Variants in NOTCH2 observed in about 807,000 individuals in gnomAD.
NOTCH2 encodes the protein notch receptor 2.
Under a neutral mutation model 235.8 loss-of-function variants are expected in NOTCH2, and 29 were observed. The ratio of observed to expected loss-of-function variants is 0.12; its 90% CI spans 0.09 to 0.17. The LOEUF (loss-of-function observed/expected upper bound fraction) is 0.17, where lower values mean the gene tolerates loss of function less well. Among genes scored for constraint, NOTCH2 ranks in the 10% least tolerant of loss-of-function variants. NOTCH2 has a pLI of 1.00. For missense variants in NOTCH2, 2,285 were observed against 3,150.2 expected (o/e 0.73, Z 6.57); for synonymous variants, 1,086 against 1,141.5 (o/e 0.95, Z 0.98).
At chr1:119,918,986 G>A (rs981564541) in intron 31 of NOTCH2, among the ~76,000 whole-genome samples, 53 of 152,162 alleles carry the variant, frequency 3.5e-4, no homozygotes, top group African/African-American at 1.1e-3. Flanking sequence ...AAGAAGTAGC[G>A]GATACTAGTC....
In NOTCH2 at chr1:119,913,157, TA is replaced by T. The variant is rs1296162648; in HGVS notation, c.*2148del. 4.3e-6 allele frequency: 1 copy of T among 233,184 alleles called. No individual in the cohort carries two copies. The highest frequency in any genetic ancestry group is 8.5e-6 in the Non-Finnish European group (1 of 118,068). The allele number at this position is 233,184 out of a possible 1,614,324, so 14.4% of individuals were successfully genotyped here. Reference sequence around the variant, plus strand: ...GGCAGAGAGTCACCATTTAGAATGATAAAATGTTTGCACACTATGAAAGAGG... The same window carrying T: ...GGCAGAGAGTCACCATTTAGAATGATAAATGTTTGCACACTATGAAAGAGG... On this transcript the variant is annotated 3_prime_UTR_variant, in exon 34 of 34. Transcript: ENST00000256646.
rs1649446856 is a variant in NOTCH2 at position 119,925,568 on chromosome 1, T to C, written c.4248A>G (p.Ala1416=). Residue 1416 remains alanine, a synonymous_variant, in exon 25 of 34, where the codon GCA becomes GCG. Transcript: ENST00000256646. ...AGGTGGCAGGAGGGGTGCTGGGGGG[T>C]GCCGTGTAGAGTTCACAGCGGCTAC... is the stretch of plus-strand genomic sequence containing the variant. ...FSGSRCELYT[A]PPSTPPATCL... 1 of 1,613,216 alleles carries C rather than the reference T, an allele frequency of 6.2e-7. No individual in the cohort carries two copies. The highest frequency in any genetic ancestry group is 1.3e-5 in the African/African-American group (1 of 74,648).
At chr1:120,033,449 G>A (rs587703859) in intron 1 of NOTCH2, among the ~76,000 whole-genome samples, 14 of 120,360 alleles carry the variant, frequency 1.2e-4, no homozygotes, top group African/African-American at 4.4e-4. Context: ...AAAAGCTGTG[G>A]TAGATATATA....
chr1:119,996,343 G>A (rs61786985), intron 4 of NOTCH2: 55 of 378,290 alleles, frequency 1.5e-4, no homozygotes, highest in South Asian at 2.3e-4. Context: ...ATTGTGCCAC[G>A]CATAGTCTCT....
Position 119,918,865 on chromosome 1 carries a change from T to C in NOTCH2, c.5782-312A>G, listed in dbSNP as rs1172299490. ...GGATACAGCCTAAGGTGATTCAGAA[T>C]GCTTCCAATTTCCTCATAAGGATAA... is the stretch of plus-strand genomic sequence containing the variant. On this transcript the variant is annotated intron_variant, in intron 31 of 33. Transcript: ENST00000256646. Among the ~76,000 whole-genome samples, 4 of 152,210 alleles carry C rather than the reference T, an allele frequency of 2.6e-5. No homozygotes were observed. The East Asian group carries it at 7.7e-4, about 29-fold the overall frequency.
At chr1:119,971,745 A>T (rs1553200390) in intron 5 of NOTCH2, among the ~76,000 whole-genome samples, 2 of 152,112 alleles carry the variant, frequency 1.3e-5, no homozygotes, top group Admixed American at 6.6e-5. Flanking sequence ...AATAGAAAAG[A>T]TGTGCACAAA....
At chr1:119,957,263 G>A (rs1553198444) in intron 12 of NOTCH2, among the ~76,000 whole-genome samples, 1 of 152,200 alleles carries the variant, frequency 6.6e-6, no homozygotes, top group Non-Finnish European at 1.5e-5. Flanking sequence ...CTGTCTCTCA[G>A]TTGCCTTATT....
rs57122008 is a variant in NOTCH2, at chr1:120,069,429, G to A, written c.-23C>T. 1.6e-6 allele frequency: 2 copies of A among 1,273,686 alleles called. No individual in the cohort carries two copies. Among genetic ancestry groups the A allele is most frequent in the East Asian group, 2.8e-5 (1 of 36,140 alleles). 78.9% of individuals were successfully genotyped at this position (1,273,686 alleles called of 1,614,324 possible). A position where few individuals can be genotyped will look rare whatever the true frequency, so the allele number is the denominator to read the frequency against. On this transcript the variant is annotated 5_prime_UTR_variant, in exon 1 of 34. Coordinates refer to ENST00000256646, the MANE Select transcript of NOTCH2 (RefSeq NM_024408.4). ...CATCTTCTCGGTCGCCTCCTCCTCC[G>A]CCGCCGCCGCCGCCGCCTGGGCAGA...
At chr1:119,967,772 A>G in intron 7 of NOTCH2, 151 bp from the exon 8 acceptor site, 1 of 787,196 alleles carries the variant, frequency 1.3e-6, no homozygotes, top group Non-Finnish European at 2.1e-6. Context: ...TAATTTAAAA[A>G]GAAATAAAAG....
rs1210394250 is a variant in NOTCH2, at chr1:120,053,707, G to T, written c.73+15627C>A. Among the ~76,000 whole-genome samples, 15 of 138,592 alleles carry T rather than the reference G, an allele frequency of 1.1e-4. 2 individuals are homozygous for T. The highest frequency in any genetic ancestry group is 3.4e-4 in the African/African-American group (11 of 32,712). 90.9% of individuals were successfully genotyped at this position (138,592 alleles called of 152,430 possible). On this transcript the variant is annotated intron_variant, in intron 1 of 33. Transcript: ENST00000256646. Reference sequence around the variant, plus strand: ...CAGAGCCTAAAAGGAGTCATTAAAAGAAACTGAAACAAGGTCTAGAGACAA... The same window carrying T: ...CAGAGCCTAAAAGGAGTCATTAAAATAAACTGAAACAAGGTCTAGAGACAA...
Position 119,915,738 on chromosome 1 carries a change from G to A in NOTCH2, c.6984C>T (p.Cys2328=), listed in dbSNP as rs1247357649. The A allele has an allele frequency of 1.2e-6, 2 of 1,607,918 alleles. No homozygotes were observed. The highest frequency in any genetic ancestry group is 2.7e-5 in the African/African-American group (2 of 74,862). The change falls in exon 34 of 34, where the codon TGC becomes TGT. Residue 2328 remains cysteine (C), a synonymous_variant. Coordinates refer to ENST00000256646, the MANE Select transcript of NOTCH2 (RefSeq NM_024408.4). ...GCAGGGGGCCCGCAACAGCTGGAGG[G>A]CAGGTGGACTGAGGCTGGGGAGCCC... ...PAGAPQPQST[C]PPAVAGPLPT...
At chr1:119,942,067 A>T (rs1557814437) in intron 17 of NOTCH2, among the ~76,000 whole-genome samples, 1 of 152,182 alleles carries the variant, frequency 6.6e-6, no homozygotes, top group Admixed American at 6.5e-5. Flanking sequence ...ACAGAATATC[A>T]ATCAATATTT....
At chr1:119,920,171 A>C in intron 30 of NOTCH2, 58 bp downstream of exon 30, 1 of 1,600,606 alleles carries the variant, frequency 6.2e-7, no homozygotes, top group Non-Finnish European at 8.5e-7. Flanking sequence ...CAGGGACAAC[A>C]ATGTGGAACC....
chr1:119,948,279 C>A, intron 17 of NOTCH2, 135 bp downstream of exon 17: 2 of 894,170 alleles, frequency 2.2e-6, no homozygotes, highest in Non-Finnish European at 3.7e-6. Context: ...TAAAACACTA[C>A]TGTTAAATAT....
intron 2 of NOTCH2, among the ~76,000 whole-genome samples, chr1:120,028,580 T>C (rs1653965178): frequency 6.9e-6 from 1 of 145,266 alleles, no homozygotes; most frequent in Non-Finnish European, 1.5e-5. Flanking sequence ...TAAAATATTT[T>C]CACTTTAGTG....
At chr1:120,068,293 CAGAG>C (rs1368332421) in intron 1 of NOTCH2, among the ~76,000 whole-genome samples, 5 of 151,750 alleles carry the variant, frequency 3.3e-5, no homozygotes, top group African/African-American at 1.2e-4. Context: ...GTTCATATAG[CAGAG>C]CTGGATTTGA....
intron 22 of NOTCH2, among the ~76,000 whole-genome samples, chr1:119,931,060 G>A (rs1444357914): frequency 1.4e-5 from 2 of 144,584 alleles, no homozygotes; most frequent in Non-Finnish European, 3.0e-5. Context: ...CCGAGATTGC[G>A]CTACTGCACT....
intron 10 of NOTCH2, among the ~76,000 whole-genome samples, 174 bp from the exon 11 acceptor site, chr1:119,963,981 G>A (rs1235881680): frequency 6.6e-6 from 1 of 152,194 alleles, no homozygotes. Context: ...TATGCCTGGA[G>A]AGAGGTGCTT....
chr1:119,968,817 G>A (rs1651250333), intron 6 of NOTCH2, among the ~76,000 whole-genome samples: 1 of 152,184 alleles, frequency 6.6e-6, no homozygotes. Flanking sequence ...ATGGGAACTG[G>A]ATTTTCCAGT....
Sources: gnomAD v4.1 joint callset for allele counts (sites outside exome capture counted in the v4.1 genomes callset) on GRCh38, gnomAD v4.1.1 for gene constraint, MANE v1.5 for transcripts, NCBI Gene and HGNC (gene_info 2026-07-23, HGNC 2026-07-21) for gene names.